NUP210: variants seen among roughly 807,000 people sequenced by gnomAD.
NUP210 encodes the protein nuclear pore membrane glycoprotein 210.
In NUP210, 151 loss-of-function variants were observed where a neutral mutation model predicts 196.0. That is an observed-to-expected ratio of 0.77 (90% confidence interval 0.67 to 0.88). The LOEUF is 0.88. Ranked by LOEUF, NUP210 falls within the 40% of genes least tolerant of loss-of-function variation. The pLI is 0.00. For synonymous variants in NUP210, 1,070 were observed against 1,052.7 expected, an observed-to-expected ratio of 1.02 and a Z score of -0.32; for missense variants, 2,314 against 2,493.7, an observed-to-expected ratio of 0.93 and a Z score of 1.53.
intron 2 of NUP210, 101 bp from the exon 3 acceptor site, chr3:13,397,589 C>A: frequency 2.3e-6 from 3 of 1,300,748 alleles, no homozygotes; most frequent in Non-Finnish European, 2.0e-6. Context: ...ACCACGGCAA[C>A]CACCAGCTTC....
chr3:13,356,054 C>T (rs936854186), intron 16 of NUP210, among the ~76,000 whole-genome samples: 3 of 152,186 alleles, frequency 2.0e-5, no homozygotes, highest in Non-Finnish European at 4.4e-5. Context: ...CTCAGTGTGG[C>T]CAATCTCTGG....
chr3:13,395,685 C>G (rs764656591), intron 3 of NUP210, among the ~76,000 whole-genome samples: 10 of 152,160 alleles, frequency 6.6e-5, no homozygotes, highest in Non-Finnish European at 1.2e-4. Context: ...TGTTTTTCCA[C>G]TCATCCGTTG....
chr3:13,386,586 G>A (rs1011824042), intron 5 of NUP210, among the ~76,000 whole-genome samples, 179 bp from the exon 6 acceptor site: 2 of 152,136 alleles, frequency 1.3e-5, no homozygotes, highest in East Asian at 1.9e-4. Flanking sequence ...AGCTCCATAA[G>A]TATAGCAGGC....
intron 4 of NUP210, among the ~76,000 whole-genome samples, chr3:13,389,901 A>G (rs1231526823): frequency 6.6e-6 from 1 of 152,222 alleles, no homozygotes; most frequent in East Asian, 1.9e-4. Flanking sequence ...GTGAGGGAAC[A>G]GCAGACAAAC....
intron 25 of NUP210, among the ~76,000 whole-genome samples, chr3:13,338,869 A>G (rs1052945623): frequency 7.2e-5 from 11 of 152,170 alleles, no homozygotes; most frequent in African/African-American, 2.4e-4. Context: ...CAGCAAGGTT[A>G]GACCACAAAG....
chr3:13,409,788 C>T (rs974541329), intron 1 of NUP210, among the ~76,000 whole-genome samples: 1 of 151,666 alleles, frequency 6.6e-6, no homozygotes, highest in African/African-American at 2.4e-5. Context: ...AGAAGGATGG[C>T]TTTAACATCC....
At chr3:13,338,749 C>A (rs1231645626) in intron 25 of NUP210, among the ~76,000 whole-genome samples, 1 of 152,194 alleles carries the variant, frequency 6.6e-6, no homozygotes, top group Admixed American at 6.5e-5. Flanking sequence ...TCAGAACATG[C>A]CTTTCAGATA....
chr3:13,346,631 C>T (rs1217859608), intron 20 of NUP210, among the ~76,000 whole-genome samples: 1 of 152,218 alleles, frequency 6.6e-6, no homozygotes, highest in East Asian at 1.9e-4. Context: ...TTGCCAGGCC[C>T]CAAGGCTCTG....
At position 13,379,516 on chromosome 3, in the gene NUP210, A is replaced by C; in HGVS notation, c.976+47T>G. 6.2e-7 allele frequency: 1 copy of C among 1,611,134 alleles called. No individual in the cohort carries two copies. Among genetic ancestry groups the C allele is most frequent in the Admixed American group, 1.7e-5 (1 of 59,512 alleles). ...GGAAAAAAAGACTTGACTTCCAAAC[A>C]GCAGCTCCGCCATGCCTAAGAACAC... On this transcript the variant is annotated intron_variant, in intron 7 of 39. Coordinates refer to ENST00000254508, the MANE Select transcript of NUP210 (RefSeq NM_024923.4). This position sits in a 1 kb window ranked among gnomAD's most constrained non-coding sequence, Gnocchi z 4.2.
Position 13,377,968 on chromosome 3 carries a change from TG to T in NUP210, c.1046-407del, listed in dbSNP as rs1294973370. ...CACCCACCTGGAGGCCCCACAACTA[TG>T]GCCCTGGCCTCCTCCTTCTGCTGAG... On this transcript the variant is annotated intron_variant, in intron 8 of 39. Transcript: ENST00000254508. Among the ~76,000 whole-genome samples the T allele has an allele frequency of 4.6e-5, 7 of 151,748 alleles. No homozygotes were observed. In the South Asian group the frequency reaches 6.3e-4, roughly 14 times the overall value.
chr3:13,322,221 G>A lies in NUP210; in HGVS notation c.4887C>T (p.Thr1629=), dbSNP rs766039572. Reference sequence around the variant, plus strand: ...GAGCAGTGTCAAACTGTGGCTCCACGGTGAACACATCTTGAGATGGGAAAT... The same window carrying A: ...GAGCAGTGTCAAACTGTGGCTCCACAGTGAACACATCTTGAGATGGGAAAT... The part of the protein sequence containing the change: ...VFDFPSQDVF[T]VEPQFDTALG... Residue 1629 remains threonine, a synonymous_variant, in exon 35 of 40, where the codon ACC becomes ACT. Coordinates refer to ENST00000254508, the MANE Select transcript of NUP210 (RefSeq NM_024923.4). 3.1e-6 allele frequency: 5 copies of A among 1,614,064 alleles called. No individual in the cohort carries two copies. Among genetic ancestry groups the A allele is most frequent in the South Asian group, 2.2e-5 (2 of 91,066 alleles).
intron 1 of NUP210, among the ~76,000 whole-genome samples, chr3:13,412,113 G>A (rs1029347408): frequency 6.6e-6 from 1 of 151,652 alleles, no homozygotes. Flanking sequence ...GAGTAGAGTG[G>A]TACAATCATG....
chr3:13,326,051 A>G, intron 32 of NUP210, 120 bp from the exon 33 acceptor site: 8 of 1,311,770 alleles, frequency 6.1e-6, no homozygotes, highest in Non-Finnish European at 8.4e-6. Flanking sequence ...ATGGGGGCTC[A>G]CTCAGCAGCC....
chr3:13,320,144 C>T (rs1696461492), intron 36 of NUP210, among the ~76,000 whole-genome samples, 165 bp from the exon 37 acceptor site: 1 of 152,158 alleles, frequency 6.6e-6, no homozygotes, highest in East Asian at 1.9e-4. Context: ...CCCAAGGGTA[C>T]AGGTGGGGAC....
chr3:13,381,538 G>A (rs1699100517), intron 6 of NUP210, among the ~76,000 whole-genome samples: 1 of 150,902 alleles, frequency 6.6e-6, no homozygotes, highest in African/African-American at 2.4e-5. Context: ...AGCCTCCTAA[G>A]TAGTTGAGAC....
At chr3:13,336,596 G>A (rs545820964) in intron 27 of NUP210, among the ~76,000 whole-genome samples, 191 bp downstream of exon 27, 4 of 152,124 alleles carry the variant, frequency 2.6e-5, no homozygotes, top group African/African-American at 7.2e-5. Flanking sequence ...TACTCACCCC[G>A]TCTATGTGTT....
At position 13,342,131 on chromosome 3, in the gene NUP210, A is replaced by G; in HGVS notation, c.2965-8T>C. 1 of 1,613,950 alleles carries G rather than the reference A, an allele frequency of 6.2e-7. No homozygotes were observed. The highest frequency in any genetic ancestry group is 8.5e-7 in the Non-Finnish European group (1 of 1,179,878). ...TGTCTTCCCAATCTCCACCTGCATC[A>G]TGGGGACAGAGGTTCAGGGGCAGCC... is the stretch of plus-strand genomic sequence containing the variant. On this transcript the variant is annotated splice_polypyrimidine_tract_variant and splice_region_variant and intron_variant, in intron 21 of 39. Coordinates refer to ENST00000254508, the MANE Select transcript of NUP210 (RefSeq NM_024923.4).
chr3:13,407,545 A>G (rs910626116), intron 1 of NUP210, among the ~76,000 whole-genome samples: 1 of 152,098 alleles, frequency 6.6e-6, no homozygotes, highest in Admixed American at 6.5e-5. Context: ...CATCAAATCT[A>G]ACCTCTTTTC....
At chr3:13,407,146 G>A (rs1700030168) in intron 1 of NUP210, among the ~76,000 whole-genome samples, 2 of 152,160 alleles carry the variant, frequency 1.3e-5, no homozygotes, top group South Asian at 2.1e-4. Flanking sequence ...TATATATCAA[G>A]CTCTTCTCAC....
Sources: allele counts gnomAD v4.1 joint callset (sites outside exome capture counted in the v4.1 genomes callset), GRCh38; gene constraint gnomAD v4.1.1; non-coding constraint Gnocchi (gnomAD v3.1); transcripts MANE v1.5; gene names NCBI Gene and HGNC (gene_info 2026-07-23, HGNC 2026-07-21).